The following AURKB variants were observed in gnomAD, a reference collection of about 807,000 sequenced individuals.
AURKB encodes aurora kinase B-Sv1.
A neutral mutation model predicts 36.5 loss-of-function variants in AURKB; 28 were observed. The ratio of observed to expected loss-of-function variants is 0.77; its 90% CI spans 0.57 to 1.05. AURKB has a LOEUF of 1.05. Ranked by LOEUF, AURKB falls within the 50% of genes least tolerant of loss-of-function variation. AURKB has a pLI of 0.00. For synonymous variants in AURKB, 175 were observed against 172.9 expected, an observed-to-expected ratio of 1.01 and a Z score of -0.09; for missense variants, 383 against 447.4, an observed-to-expected ratio of 0.86 and a Z score of 1.30.
rs1033637550 is a variant in AURKB, at chr17:8,207,556, G to A, written c.206+15C>T. ...TCCCCTCACCCCCGTCCACCCCCAG[G>A]CTTGGGGCACTTACGTTAAGATGTC... On this transcript the variant is annotated intron_variant, in intron 4 of 8. Coordinates refer to ENST00000585124, the MANE Select transcript of AURKB (RefSeq NM_004217.4). The A allele has an allele frequency of 6.2e-7, 1 of 1,612,184 alleles. No homozygotes were observed. The highest frequency in any genetic ancestry group is 1.3e-5 in the African/African-American group (1 of 74,838).
intron 4 of AURKB, 81 bp downstream of exon 4, chr17:8,207,490 G>A (rs534848607): frequency 9.5e-6 from 15 of 1,572,406 alleles, no homozygotes; most frequent in South Asian, 6.9e-5. Flanking sequence ...TACTCCTCCC[G>A]TGCTTAGGTT....
In AURKB at chr17:8,206,130, ATT is replaced by A. The variant is rs940727023; in HGVS notation, c.686+359_686+360del. Among the ~76,000 whole-genome samples the A allele has an allele frequency of 1.4e-4, 17 of 120,856 alleles. No homozygotes were observed. The highest frequency in any genetic ancestry group is 3.5e-4 in the Admixed American group (4 of 11,464). The allele number at this position is 120,856 out of a possible 152,430, so 79.3% of individuals were successfully genotyped here. On this transcript the variant is annotated intron_variant, in intron 7 of 8. Transcript: ENST00000585124. The surrounding 1 kb of genome is among the most constrained non-coding windows in gnomAD (Gnocchi z 4.2). ...GGGTTATTAGCACCACACTCTAACC[ATT>A]TTTTTTTTTTTTTTTTGAGACAGAG...
chr17:8,209,215 G>T (rs1985798064), intron 2 of AURKB, among the ~76,000 whole-genome samples: 1 of 152,182 alleles, frequency 6.6e-6, no homozygotes, highest in Non-Finnish European at 1.5e-5. Flanking sequence ...GTTTTACCAT[G>T]TTGGCCAGGC....
rs781331723 is a variant in AURKB, at chr17:8,204,918, T to C, written c.988A>G (p.Asn330Asp). ...QVSAHPWVRA[N>D]SRRVLPPSAL... ...GAGGGAGGCAGCACCCTCCGAGAGT[T>C]GGCCCGGACCCAAGGGTGGGCTGAG... The change falls in exon 9 of 9, where the codon AAC becomes GAC. Residue 330 changes from asparagine (N) to aspartate (D), a missense_variant. Physicochemically the swap from Asn to Asp is conservative, Grantham distance 23 (BLOSUM62 1). Coordinates refer to ENST00000585124, the MANE Select transcript of AURKB (RefSeq NM_004217.4). 2 of 1,604,586 alleles carry C rather than the reference T, an allele frequency of 1.2e-6. No homozygotes were observed. The highest frequency in any genetic ancestry group is 2.2e-5 in the South Asian group (2 of 90,710).
chr17:8,205,833 T>TGCCTCCCGGGTG (rs1386411695), intron 7 of AURKB, among the ~76,000 whole-genome samples: 3 of 151,360 alleles, frequency 2.0e-5, no homozygotes. Flanking sequence ...CTGCAACCTC[T>TGCCTCCCGGGTG]GCCTCCCGGG....
Position 8,207,353 on chromosome 17 carries a change from A to G in AURKB, c.221T>C (p.Ile74Thr), listed in dbSNP as rs763420999. ...AGGACGCCCAATCTCAAAGTCATCA[A>G]TTGTGAAGTGCCGCCTGCTTAGAAA... ...TPDILTRHFT[I>T]DDFEIGRPLG... The change falls in exon 5 of 9, where the codon ATT becomes ACT. Residue 74 changes from isoleucine (I) to threonine (T), a missense_variant. Ile to Thr is a moderately conservative substitution (Grantham distance 89). Coordinates refer to ENST00000585124, the MANE Select transcript of AURKB (RefSeq NM_004217.4). The G allele has an allele frequency of 3.7e-6, 6 of 1,613,612 alleles. No homozygotes were observed. Among genetic ancestry groups the G allele is most frequent in the South Asian group, 3.3e-5 (3 of 91,072 alleles).
chr17:8,205,096 C>T (rs748266309), intron 8 of AURKB, 52 bp from the exon 9 acceptor site: 13 of 1,551,902 alleles, frequency 8.4e-6, no homozygotes, highest in Non-Finnish European at 1.1e-5. Flanking sequence ...CTGGCTACAT[C>T]TTCCTTGACT....
rs757005447 is a variant in AURKB, at chr17:8,207,385, G to C, written c.207-18C>G. 7 of 1,609,474 alleles carry C rather than the reference G, an allele frequency of 4.3e-6. No individual in the cohort carries two copies. Among genetic ancestry groups the C allele is most frequent in the Middle Eastern group, 3.3e-4 (2 of 6,050 alleles). ...AGTGCCGCCTGCTTAGAAAGTGGAG[G>C]AAGGCAACTCAGAACCGGTTTTGGT... On this transcript the variant is annotated intron_variant, in intron 4 of 8. Transcript: ENST00000585124.
chr17:8,207,885 G>T, intron 2 of AURKB, 45 bp from the exon 3 acceptor site: 3 of 1,489,828 alleles, frequency 2.0e-6, no homozygotes, highest in South Asian at 2.4e-5. Context: ...TTTGTCTGAT[G>T]ACCGGGGTGG....
At chr17:8,205,630 T>TA (rs1985154365) in intron 7 of AURKB, among the ~76,000 whole-genome samples, 1 of 152,152 alleles carries the variant, frequency 6.6e-6, no homozygotes, top group South Asian at 2.1e-4. Flanking sequence ...GATACCCTGA[T>TA]ATGAGGGCAG....
intron 1 of AURKB, 67 bp from the exon 2 acceptor site, chr17:8,210,316 G>T: frequency 8.4e-7 from 1 of 1,192,344 alleles, no homozygotes; most frequent in South Asian, 1.3e-5. Flanking sequence ...GGGTTGGACC[G>T]ATCGAGCCGG....
At position 8,206,848 on chromosome 17, in the gene AURKB, G is replaced by A. The variant is rs148133660; in HGVS notation, c.439C>T (p.Arg147Trp). ...TCTAGAATCAAGTAGATCCTCCTCC[G>A]GTCATAAAAATAGTTGTAGAGACGC... is the stretch of plus-strand genomic sequence containing the variant. ...ILRLYNYFYD[R>W]RRIYLILEYA... Residue 147 changes from arginine to tryptophan, a missense_variant, in exon 6 of 9, where the codon CGG (arginine) becomes TGG (tryptophan). By Grantham distance (101) the Arg-to-Trp change is moderately radical (BLOSUM62 -3). Transcript: ENST00000585124. The surrounding 1 kb of genome is among the most constrained non-coding windows in gnomAD (Gnocchi z 4.2). The A allele has an allele frequency of 4.1e-4, 659 of 1,614,170 alleles. 1 individual carries two copies. Among genetic ancestry groups the A allele is most frequent in the Non-Finnish European group, 4.7e-4 (552 of 1,180,034 alleles).
In AURKB at chr17:8,204,874, G is replaced by T; in HGVS notation, c.1032C>A (p.Ala344=). ...VLPPSALQSV[A] ...CCCGAGTGAATGACAGGGACCATCA[G>T]GCGACAGATTGAAGGGCAGAGGGAG... Residue 344 remains alanine, a synonymous_variant, in exon 9 of 9, where the codon GCC becomes GCA. Transcript: ENST00000585124. 6.2e-7 allele frequency: 1 copy of T among 1,611,662 alleles called. No individual in the cohort carries two copies. Among genetic ancestry groups the T allele is most frequent in the Non-Finnish European group, 8.5e-7 (1 of 1,179,416 alleles).
chr17:8,205,534 G>C, intron 7 of AURKB, 144 bp from the exon 8 acceptor site: 1 of 1,004,852 alleles, frequency 1.0e-6, no homozygotes, highest in Non-Finnish European at 1.5e-6. Flanking sequence ...GTGGGGGTGG[G>C]GTTGGGGTGA....
rs1213903154 is a variant in AURKB, at chr17:8,206,221, C to T, written c.686+270G>A. 6.6e-6 allele frequency among the ~76,000 whole-genome samples: 1 copy of T among 151,948 alleles called. No homozygotes were observed. Among genetic ancestry groups the T allele is most frequent in the Non-Finnish European group, 1.5e-5 (1 of 67,980 alleles). ...TCTCGGCTCACTGCAACCTCCGCCT[C>T]CCAGGTTCAAACAATTCTCCTGCCT... On this transcript the variant is annotated intron_variant, in intron 7 of 8. Coordinates refer to ENST00000585124, the MANE Select transcript of AURKB (RefSeq NM_004217.4). This position sits in a 1 kb window ranked among gnomAD's most constrained non-coding sequence, Gnocchi z 4.2.
Position 8,206,852 on chromosome 17 carries a change from A to G in AURKB, c.435T>C (p.Tyr145=), listed in dbSNP as rs1436718378. The G allele has an allele frequency of 3.1e-6, 5 of 1,614,112 alleles. No homozygotes were observed. The Admixed American group carries it at 6.7e-5, about 22-fold the overall frequency. The change falls in exon 6 of 9, where the codon TAT becomes TAC. Residue 145 remains tyrosine (Y), a synonymous_variant. Coordinates refer to ENST00000585124, the MANE Select transcript of AURKB (RefSeq NM_004217.4). The surrounding 1 kb of genome is among the most constrained non-coding windows in gnomAD (Gnocchi z 4.2). ...PNILRLYNYF[Y]DRRRIYLILE... ...GAATCAAGTAGATCCTCCTCCGGTC[A>G]TAAAAATAGTTGTAGAGACGCAGGA...
Position 8,206,660 on chromosome 17 carries a change from C to T in AURKB, c.538-21G>A. 1 of 1,614,104 alleles carries T rather than the reference C, an allele frequency of 6.2e-7. No homozygotes were observed. The highest frequency in any genetic ancestry group is 8.5e-7 in the Non-Finnish European group (1 of 1,180,028). On this transcript the variant is annotated intron_variant, in intron 6 of 8. Transcript: ENST00000585124. The surrounding 1 kb of genome is among the most constrained non-coding windows in gnomAD (Gnocchi z 4.2). ...ATGATCTGGGAGGGGCAACGACAGG[C>T]AATCAGACAAGGATGGACCTCCAGC... is the stretch of plus-strand genomic sequence containing the variant.
chr17:8,208,398 C>G (rs1006933564), intron 2 of AURKB, among the ~76,000 whole-genome samples: 3 of 150,218 alleles, frequency 2.0e-5, no homozygotes, highest in African/African-American at 4.9e-5. Context: ...GCACTCCAGC[C>G]TGGGCAACAG....
intron 1 of AURKB, 49 bp from the exon 2 acceptor site, chr17:8,210,298 A>G (rs1985935317): frequency 7.2e-7 from 1 of 1,385,136 alleles, no homozygotes; most frequent in Admixed American, 2.0e-5. Context: ...AAAGAGAGAG[A>G]GAGGGAGGGG....
Sources: allele counts gnomAD v4.1 joint callset (sites outside exome capture counted in the v4.1 genomes callset), GRCh38; gene constraint gnomAD v4.1.1; non-coding constraint Gnocchi (gnomAD v3.1); transcripts MANE v1.5; gene names NCBI Gene and HGNC (gene_info 2026-07-23, HGNC 2026-07-21).